The following NBPF3 variants were observed in gnomAD, a reference collection of about 807,000 sequenced individuals.
NBPF3 encodes the protein NBPF member 3, also known as NBPF family member NBPF3.
A neutral mutation model predicts 78.1 loss-of-function variants in NBPF3; 57 were observed. The observed-to-expected ratio is 0.73, with a 90% confidence interval of 0.59 to 0.91. The LOEUF is 0.91. NBPF3 is among the 40% of genes least tolerant of loss of function. The probability of loss-of-function intolerance (pLI) is 0.00; values close to 1 mark genes in which losing one functional copy is unlikely to be tolerated. For synonymous variants in NBPF3, 182 were observed against 271.7 expected (o/e 0.67, Z 3.25); for missense variants, 510 against 715.3 (o/e 0.71, Z 3.27).
At chr1:21,457,620 C>CT (rs1250497545) in intron 2 of NBPF3, among the ~76,000 whole-genome samples, 13 of 152,040 alleles carry the variant, frequency 8.6e-5, no homozygotes, top group African/African-American at 2.9e-4. Flanking sequence ...ATTAAAAAGG[C>CT]TGAAAATAGC....
intron 10 of NBPF3, 129 bp downstream of exon 10, chr1:21,479,529 A>G (rs1409796442): frequency 1.4e-5 from 12 of 851,092 alleles, no homozygotes; most frequent in Non-Finnish European, 2.4e-5. Flanking sequence ...GTCTACTAAC[A>G]TTGCTTTTGG....
chr1:21,455,457 A>T (rs1483004949), intron 2 of NBPF3, among the ~76,000 whole-genome samples: 4 of 152,262 alleles, frequency 2.6e-5, no homozygotes, highest in Admixed American at 6.5e-5. Context: ...TCTGTCTGTT[A>T]GAATAAATCA....
intron 2 of NBPF3, among the ~76,000 whole-genome samples, chr1:21,450,734 A>C (rs7538926): frequency 0.21 from 17,534 of 81,576 alleles, 1,359 homozygotes; most frequent in South Asian, 0.52. Context: ...CATCTAAAAC[A>C]TCCACACCAG....
intron 2 of NBPF3, among the ~76,000 whole-genome samples, chr1:21,462,143 A>G (rs867627107): frequency 1.3e-5 from 2 of 152,106 alleles, no homozygotes; most frequent in African/African-American, 4.8e-5. Context: ...TGCGGGGGCC[A>G]TGCTTCTTGT....
At position 21,471,616 on chromosome 1, in the gene NBPF3, T is replaced by G; in HGVS notation, c.494T>G (p.Leu165Ter). 1.2e-6 allele frequency: 2 copies of G among 1,612,336 alleles called. No homozygotes were observed. The highest frequency in any genetic ancestry group is 1.7e-6 in the Non-Finnish European group (2 of 1,179,802). ...TCTCAGGAACGAGAGCTGACCCAGTTAAGGGAGAAGTTACAGGAAGGGAGA... is the reference window on the plus strand; with the variant it reads ...TCTCAGGAACGAGAGCTGACCCAGTGAAGGGAGAAGTTACAGGAAGGGAGA... Reference protein sequence around the residue: ...VHSQERELTQLREKLQEGRDA... With the variant: ...VHSQERELTQ Residue 165 changes from leucine (L) to a stop codon, truncating the protein, a stop_gained, in exon 5 of 15, where the codon TTA becomes TGA. Coordinates refer to ENST00000318249, the MANE Select transcript of NBPF3 (RefSeq NM_032264.6). LOFTEE classifies it high-confidence loss of function.
Position 21,471,793 on chromosome 1 carries a change from C to A in NBPF3, c.661+10C>A. The A allele has an allele frequency of 6.2e-7, 1 of 1,612,310 alleles. No individual in the cohort carries two copies. The highest frequency in any genetic ancestry group is 8.5e-7 in the Non-Finnish European group (1 of 1,179,782). On this transcript the variant is annotated intron_variant, in intron 5 of 14. Coordinates refer to ENST00000318249, the MANE Select transcript of NBPF3 (RefSeq NM_032264.6). Reference sequence around the variant, plus strand: ...CAAAAGCTCAGCCCAGGTGAGGTGGCCATAGGCCCTGATGACCCAAAACCC... The same window carrying A: ...CAAAAGCTCAGCCCAGGTGAGGTGGACATAGGCCCTGATGACCCAAAACCC...
In NBPF3 at chr1:21,480,359, T is replaced by C; in HGVS notation, c.1381+136T>C. The C allele has an allele frequency of 4.1e-6, 2 of 482,068 alleles. 1 individual carries two copies. The highest frequency in any genetic ancestry group is 4.1e-5 in the South Asian group (2 of 48,332). 29.9% of individuals were successfully genotyped at this position (482,068 alleles called of 1,614,324 possible). On this transcript the variant is annotated intron_variant, in intron 11 of 14. Coordinates refer to ENST00000318249, the MANE Select transcript of NBPF3 (RefSeq NM_032264.6). Reference sequence around the variant, plus strand: ...AGGACCCGTGGGCGCATAGAGGTTGTAATGAAATTGTAGTTTCAGTTGGAA... The same window carrying C: ...AGGACCCGTGGGCGCATAGAGGTTGCAATGAAATTGTAGTTTCAGTTGGAA...
At chr1:21,466,548 ATTCCAGAG>A (rs1212970426) in intron 2 of NBPF3, among the ~76,000 whole-genome samples, 18 of 152,282 alleles carry the variant, frequency 1.2e-4, no homozygotes, top group Admixed American at 3.3e-4. Flanking sequence ...TCTCTTGTAT[ATTCCAGAG>A]TTCCAGGGGA....
intron 2 of NBPF3, among the ~76,000 whole-genome samples, chr1:21,456,716 C>T (rs1222265359): frequency 1.3e-5 from 2 of 151,992 alleles, no homozygotes; most frequent in Non-Finnish European, 2.9e-5. Flanking sequence ...GCAACACTTC[C>T]AACCCTATTA....
chr1:21,471,105 T>C lies in NBPF3; in HGVS notation c.446+371T>C, dbSNP rs1334205524. 1.1e-3 allele frequency among the ~76,000 whole-genome samples: 172 copies of C among 152,280 alleles called. 2 individuals are homozygous for C. Among genetic ancestry groups the C allele is most frequent in the Non-Finnish European group, 2.5e-4 (17 of 68,014 alleles). On this transcript the variant is annotated intron_variant, in intron 4 of 14. Transcript: ENST00000318249. ...GCTCCTGACTGACTGCGGCTTCTCA[T>C]GCTTTCACTCAATGTTACCTTCTCG...
At position 21,466,026 on chromosome 1, in the gene NBPF3, A is replaced by G. The variant is rs1053109220; in HGVS notation, c.134-2662A>G. The G allele has an allele frequency of 4.0e-6, 3 of 744,154 alleles. No homozygotes were observed. In the African/African-American group the frequency reaches 5.7e-5, roughly 14 times the overall value. The allele number at this position is 744,154 out of a possible 1,614,324, so 46.1% of individuals were successfully genotyped here. A position where few individuals can be genotyped will look rare whatever the true frequency, so the allele number is the denominator to read the frequency against. On this transcript the variant is annotated intron_variant, in intron 2 of 14. Coordinates refer to ENST00000318249, the MANE Select transcript of NBPF3 (RefSeq NM_032264.6). ...GTGGAAACACAGCTGCCCACTCTAC[A>G]GTATGGGTTGCCTTTGTGTCCGGAA...
At chr1:21,478,571 C>T (rs1419887322) in intron 9 of NBPF3, among the ~76,000 whole-genome samples, 1 of 152,236 alleles carries the variant, frequency 6.6e-6, no homozygotes, top group African/African-American at 2.4e-5. Flanking sequence ...ACAAGACGGG[C>T]GTGGCAAACT....
At chr1:21,445,329 C>G (rs1640905219) in intron 2 of NBPF3, 110 bp downstream of exon 2, 1 of 1,239,846 alleles carries the variant, frequency 8.1e-7, no homozygotes, top group Non-Finnish European at 1.1e-6. Flanking sequence ...CAGGGCCTTG[C>G]CTGGCATGAA....
In NBPF3 at chr1:21,483,922, T is replaced by C. The variant is rs2148030699; in HGVS notation, c.*536T>C. 1 of 151,288 alleles carries C rather than the reference T, an allele frequency of 6.6e-6. No individual in the cohort carries two copies. The highest frequency in any genetic ancestry group is 1.4e-5 in the Non-Finnish European group (1 of 69,016). 9.4% of individuals were successfully genotyped at this position (151,288 alleles called of 1,614,324 possible). On this transcript the variant is annotated 3_prime_UTR_variant, in exon 15 of 15. Coordinates refer to ENST00000318249, the MANE Select transcript of NBPF3 (RefSeq NM_032264.6). ...TGTTAACCCACTAGGCTCCTTTGAG[T>C]AGAGAAGCCATAGTCCTTCAGCCTC... is the stretch of plus-strand genomic sequence containing the variant.
chr1:21,473,508 A>G lies in NBPF3; in HGVS notation c.863A>G (p.Glu288Gly), dbSNP rs779369557. 3.7e-6 allele frequency: 6 copies of G among 1,614,098 alleles called. No individual in the cohort carries two copies. The East Asian group carries it at 1.3e-4, about 36-fold the overall frequency. Residue 288 changes from glutamate (E) to glycine (G), a missense_variant, in exon 7 of 15, where the codon GAG becomes GGG. Coordinates refer to ENST00000318249, the MANE Select transcript of NBPF3 (RefSeq NM_032264.6). ...QPYGNTRITF[E>G]EDQVDSTLID... Reference sequence around the variant, plus strand: ...TACGGGAACACCAGAATCACATTTGAGGAAGACCAAGTCGACTCAACTCTC... The same window carrying G: ...TACGGGAACACCAGAATCACATTTGGGGAAGACCAAGTCGACTCAACTCTC...
intron 1 of NBPF3, among the ~76,000 whole-genome samples, 195 bp from the exon 2 acceptor site, chr1:21,444,753 G>T (rs1365526750): frequency 6.6e-6 from 1 of 152,060 alleles, no homozygotes; most frequent in Non-Finnish European, 1.5e-5. Flanking sequence ...CCAAGACGGG[G>T]TCTTACTATG....
intron 5 of NBPF3, among the ~76,000 whole-genome samples, chr1:21,472,552 G>A (rs1642658235): frequency 6.6e-6 from 1 of 152,232 alleles, no homozygotes; most frequent in African/African-American, 2.4e-5. Flanking sequence ...TAGCCAGATG[G>A]GGGAGACAGC....
At chr1:21,479,703 C>G (rs2148014508) in intron 10 of NBPF3, among the ~76,000 whole-genome samples, 1 of 152,226 alleles carries the variant, frequency 6.6e-6, no homozygotes. Context: ...TTCATGATCA[C>G]TGTTCATTGT....
At chr1:21,444,880 T>TC (rs1640873086) in intron 1 of NBPF3, 68 bp from the exon 2 acceptor site, 2 of 512,048 alleles carry the variant, frequency 3.9e-6, no homozygotes, top group South Asian at 5.8e-5. Flanking sequence ...AAATGGCAGC[T>TC]CCATCCTTCA....
Sources: gnomAD v4.1 joint callset for allele counts (sites outside exome capture counted in the v4.1 genomes callset) on GRCh38, gnomAD v4.1.1 for gene constraint, MANE v1.5 for transcripts, NCBI Gene and HGNC (gene_info 2026-07-23, HGNC 2026-07-21) for gene names.